FRAS1: variants seen among roughly 807,000 people sequenced by gnomAD.
FRAS1 encodes extracellular matrix organizing protein FRAS1.
Under a neutral mutation model 435.2 loss-of-function variants are expected in FRAS1, and 290 were observed. That is an observed-to-expected ratio of 0.67 (90% confidence interval 0.61 to 0.73). The LOEUF (loss-of-function observed/expected upper bound fraction) is 0.73, where lower values mean the gene tolerates loss of function less well. Among genes scored for constraint, FRAS1 ranks in the 30% least tolerant of loss-of-function variants. The pLI is 0.00. For synonymous variants in FRAS1, 1,800 were observed against 1,851.0 expected (o/e 0.97, Z 0.71); for missense variants, 4,860 against 5,001.5 (o/e 0.97, Z 0.85).
At chr4:78,525,404 G>A (rs533726001) in intron 69 of FRAS1, among the ~76,000 whole-genome samples, 3 of 152,162 alleles carry the variant, frequency 2.0e-5, no homozygotes, top group South Asian at 2.1e-4. Flanking sequence ...TAGAAACAAC[G>A]GCCCTGAAAG....
intron 29 of FRAS1, among the ~76,000 whole-genome samples, chr4:78,393,098 T>A (rs181531998): frequency 6.6e-6 from 1 of 151,952 alleles, no homozygotes; most frequent in Admixed American, 6.6e-5. Flanking sequence ...CAACTTGAGT[T>A]TGAGGATAAG....
chr4:78,224,654 T>C (rs1172650071), intron 2 of FRAS1, among the ~76,000 whole-genome samples: 1 of 151,972 alleles, frequency 6.6e-6, no homozygotes, highest in Non-Finnish European at 1.5e-5. Flanking sequence ...CACCTCAGCT[T>C]CCCATGTAGC....
intron 22 of FRAS1, among the ~76,000 whole-genome samples, chr4:78,367,717 A>T (rs1302734737): frequency 1.3e-5 from 2 of 152,136 alleles, no homozygotes; most frequent in Non-Finnish European, 2.9e-5. Flanking sequence ...TTAGAACATA[A>T]ATGCGGGACT....
At position 78,362,812 on chromosome 4, in the gene FRAS1, G is replaced by T. The variant is rs186980796; in HGVS notation, c.2423-701G>T. On this transcript the variant is annotated intron_variant, in intron 20 of 73. Transcript: ENST00000512123. ...ACAGGTCGTCTTTCCCCAAAATCAG[G>T]TTGTCTCTTCCCCAAAGTCAGGCTG... Among the ~76,000 whole-genome samples, 13 of 152,232 alleles carry T rather than the reference G, an allele frequency of 8.5e-5. No individual in the cohort carries two copies. The East Asian group carries it at 1.4e-3, about 16-fold the overall frequency.
chr4:78,341,695 T>G (rs1730404146), intron 20 of FRAS1, among the ~76,000 whole-genome samples: 3 of 152,056 alleles, frequency 2.0e-5, no homozygotes. Flanking sequence ...GCTTTGCAGA[T>G]AGTTTCCAGG....
At chr4:78,419,555 T>C (rs754194117) in intron 33 of FRAS1, among the ~76,000 whole-genome samples, 10 of 152,202 alleles carry the variant, frequency 6.6e-5, no homozygotes, top group Non-Finnish European at 1.2e-4. Context: ...AACATGAGAA[T>C]GTAGAACTAT....
chr4:78,159,074 A>G (rs1721015568), intron 2 of FRAS1, among the ~76,000 whole-genome samples: 1 of 152,186 alleles, frequency 6.6e-6, no homozygotes. Flanking sequence ...TGTGTCACAT[A>G]TATTTGATGC....
At chr4:78,172,538 T>TC in intron 2 of FRAS1, among the ~76,000 whole-genome samples, 1 of 152,244 alleles carries the variant, frequency 6.6e-6, no homozygotes, top group Middle Eastern at 3.4e-3. Flanking sequence ...TAGTTTCTAA[T>TC]CTTGGTAGAT....
chr4:78,071,537 T>C (rs567271015), intron 2 of FRAS1: 1 of 152,250 alleles, frequency 6.6e-6, no homozygotes, highest in South Asian at 2.1e-4. Context: ...AATTAGTAAA[T>C]TAAGAGAGTT....
At position 78,318,935 on chromosome 4, in the gene FRAS1, C is replaced by T. The variant is rs1486879087; in HGVS notation, c.2086C>T (p.Leu696=). The change falls in exon 18 of 74, where the codon CTA becomes TTA. Residue 696 remains leucine, a synonymous_variant. Coordinates refer to ENST00000512123, the MANE Select transcript of FRAS1 (RefSeq NM_025074.7). ...CGTGGGCATCCCCTCTGGCGAGTGT[C>T]TAGCCCAGTGTAGAGCCCATTTTTA... is the stretch of plus-strand genomic sequence containing the variant. ...SDVGIPSGEC[L]AQCRAHFYLE... is the part of the protein sequence containing the mutation. 1 of 1,613,876 alleles carries T rather than the reference C, an allele frequency of 6.2e-7. No individual in the cohort carries two copies. Among genetic ancestry groups the T allele is most frequent in the African/African-American group, 1.3e-5 (1 of 74,914 alleles).
At chr4:78,315,092 C>T (rs1011521768) in intron 15 of FRAS1, among the ~76,000 whole-genome samples, 2 of 152,172 alleles carry the variant, frequency 1.3e-5, no homozygotes, top group Non-Finnish European at 2.9e-5. Context: ...TCCTGAAAGA[C>T]TGTGTGAAGT....
At chr4:78,279,160 T>TA (rs144993756) in intron 10 of FRAS1, among the ~76,000 whole-genome samples, 2 of 152,254 alleles carry the variant, frequency 1.3e-5, no homozygotes, top group East Asian at 3.9e-4. Flanking sequence ...GGGAGCCGCA[T>TA]GAATGTCTAG....
intron 33 of FRAS1, among the ~76,000 whole-genome samples, chr4:78,420,332 A>G (rs1449800216): frequency 6.6e-6 from 1 of 152,216 alleles, no homozygotes; most frequent in Non-Finnish European, 1.5e-5. Context: ...ACATTGCCAG[A>G]GTCGAGATGG....
rs1181334510 is a variant in FRAS1, at chr4:78,516,058, A to G, written c.10389+45A>G. ...TCTGAGGACTCTGCATATGGGTGCC[A>G]TGGTCAACCTTGTTTGTTCCTGAAG... is the stretch of plus-strand genomic sequence containing the variant. On this transcript the variant is annotated intron_variant, in intron 66 of 73. Coordinates refer to ENST00000512123, the MANE Select transcript of FRAS1 (RefSeq NM_025074.7). 2.7e-6 allele frequency: 4 copies of G among 1,469,886 alleles called. No individual in the cohort carries two copies. In the African/African-American group the frequency reaches 4.2e-5, roughly 15 times the overall value. 91.1% of individuals were successfully genotyped at this position (1,469,886 alleles called of 1,614,324 possible).
At chr4:78,287,546 A>G (rs937503988) in intron 14 of FRAS1, among the ~76,000 whole-genome samples, 1 of 152,188 alleles carries the variant, frequency 6.6e-6, no homozygotes, top group Non-Finnish European at 1.5e-5. Context: ...GCAGCTAAAC[A>G]TAACGGGGGG....
chr4:78,183,705 T>C (rs1722144116), intron 2 of FRAS1, among the ~76,000 whole-genome samples: 1 of 151,106 alleles, frequency 6.6e-6, no homozygotes, highest in Non-Finnish European at 1.5e-5. Context: ...TTAGGATTTA[T>C]CTTTTTTCTC....
At chr4:78,360,442 A>G (rs1197155183) in intron 20 of FRAS1, among the ~76,000 whole-genome samples, 1 of 152,244 alleles carries the variant, frequency 6.6e-6, no homozygotes, top group Non-Finnish European at 1.5e-5. Context: ...AATGGAGAGC[A>G]TAGTTGGAAG....
intron 2 of FRAS1, chr4:78,180,781 A>G: frequency 1.0e-6 from 1 of 996,098 alleles, no homozygotes; most frequent in South Asian, 1.5e-5. Flanking sequence ...TTTTTTTTTT[A>G]ATTTGTCATT....
chr4:78,086,104 A>G, intron 2 of FRAS1, among the ~76,000 whole-genome samples: 1 of 151,882 alleles, frequency 6.6e-6, no homozygotes, highest in Non-Finnish European at 1.5e-5. Flanking sequence ...TCAAACTAGA[A>G]CTCAGGATTA....
Sources: gnomAD v4.1 joint callset for allele counts (sites outside exome capture counted in the v4.1 genomes callset) on GRCh38, gnomAD v4.1.1 for gene constraint, MANE v1.5 for transcripts, NCBI Gene and HGNC (gene_info 2026-07-23, HGNC 2026-07-21) for gene names.